DNAH7: variants seen among roughly 807,000 people sequenced by gnomAD.
The protein encoded by DNAH7 is dynein axonemal heavy chain 7.
Under a neutral mutation model 444.6 loss-of-function variants are expected in DNAH7, and 397 were observed. The ratio of observed to expected loss-of-function variants is 0.89; its 90% CI spans 0.82 to 0.97. The LOEUF is 0.97. DNAH7 is among the 50% of genes least tolerant of loss of function. DNAH7 has a pLI of 0.00. For missense variants in DNAH7, 4,902 were observed against 4,800.8 expected (o/e 1.02, Z -0.62); for synonymous variants, 1,636 against 1,624.4 (o/e 1.01, Z -0.17).
At chr2:196,031,448 C>A (rs181864320) in intron 5 of DNAH7, among the ~76,000 whole-genome samples, 127 of 152,354 alleles carry the variant, frequency 8.3e-4, no homozygotes, top group Non-Finnish European at 1.5e-3. Context: ...CTCCTTGATA[C>A]TTATGCAAAT....
chr2:196,055,185 G>A (rs757259709), intron 2 of DNAH7, among the ~76,000 whole-genome samples: 13 of 151,976 alleles, frequency 8.6e-5, no homozygotes, highest in Non-Finnish European at 1.6e-4. Flanking sequence ...GTGAAACCCT[G>A]TCTCTACCAA....
chr2:195,773,498 C>T (rs567989832), intron 60 of DNAH7, among the ~76,000 whole-genome samples: 1 of 152,054 alleles, frequency 6.6e-6, no homozygotes, highest in South Asian at 2.1e-4. Context: ...CAAACATTCC[C>T]CTTACCTATT....
chr2:195,986,521 G>A (rs1350184888), intron 14 of DNAH7, among the ~76,000 whole-genome samples: 1 of 152,152 alleles, frequency 6.6e-6, no homozygotes, highest in Non-Finnish European at 1.5e-5. Context: ...TGGAAGACTA[G>A]TTCTTCTTGT....
At chr2:195,738,201 G>T in intron 64 of DNAH7, 74 bp from the exon 65 acceptor site, 1 of 1,344,570 alleles carries the variant, frequency 7.4e-7, no homozygotes, top group Non-Finnish European at 1.0e-6. Context: ...GCCTACTATA[G>T]TATTCTCAGA....
Position 195,922,864 on chromosome 2 carries a change from A to AT in DNAH7, c.3826-668dup, listed in dbSNP as rs146731861. 1.6e-3 allele frequency among the ~76,000 whole-genome samples: 239 copies of AT among 146,758 alleles called. 1 individual carries two copies. The highest frequency in any genetic ancestry group is 3.4e-3 in the Admixed American group (50 of 14,676). On this transcript the variant is annotated intron_variant, in intron 23 of 64. Transcript: ENST00000312428. Reference sequence around the variant, plus strand: ...CTTCTTCAATTGATCAATTAGAGGAATTTTTTTTTTTTTCTGAGACAGGGT... The same window carrying AT: ...CTTCTTCAATTGATCAATTAGAGGAATTTTTTTTTTTTTTCTGAGACAGGGT...
chr2:195,933,691 T>C (rs1278355721), intron 21 of DNAH7, among the ~76,000 whole-genome samples: 4 of 142,304 alleles, frequency 2.8e-5, no homozygotes, highest in Admixed American at 7.5e-5. Flanking sequence ...TAGGTGGGAA[T>C]TGAACAATGA....
intron 27 of DNAH7, 44 bp downstream of exon 27, chr2:195,906,615 A>C: frequency 6.3e-7 from 1 of 1,577,230 alleles, no homozygotes; most frequent in Middle Eastern, 1.7e-4. Context: ...TTAACTTTGT[A>C]AATTATAGAG....
chr2:195,957,899 A>G (rs1237946684), intron 18 of DNAH7, among the ~76,000 whole-genome samples: 2 of 152,038 alleles, frequency 1.3e-5, no homozygotes, highest in Non-Finnish European at 2.9e-5. Flanking sequence ...GAAAAATGAG[A>G]TTTTGTTGAC....
chr2:196,020,813 G>A (rs974043345), intron 8 of DNAH7, among the ~76,000 whole-genome samples: 7 of 152,042 alleles, frequency 4.6e-5, no homozygotes, highest in Admixed American at 6.6e-5. Context: ...GTTTCACCAC[G>A]TTGGCCAGAA....
rs1212249109 is a variant in DNAH7, at chr2:195,934,695, C to T, written c.3367G>A (p.Glu1123Lys). 6.2e-7 allele frequency: 1 copy of T among 1,614,008 alleles called. No individual in the cohort carries two copies. Among genetic ancestry groups the T allele is most frequent in the Non-Finnish European group, 8.5e-7 (1 of 1,180,002 alleles). The change falls in exon 21 of 65, where the codon GAG becomes AAG. Residue 1123 changes from glutamate (E) to lysine (K), a missense_variant. Physicochemically the swap from Glu to Lys is moderately conservative, Grantham distance 56. Transcript: ENST00000312428. ...ATAATCTCTATGAGTTCTACAACCT[C>T]TCCTTCGCTGCTCTTCATGTGAGTA... The part of the protein sequence containing the change: ...DITHMKSSEG[E>K]VVELIEIIST...
At chr2:195,976,742 GC>G (rs1692212528) in intron 15 of DNAH7, among the ~76,000 whole-genome samples, 2 of 22,222 alleles carry the variant, frequency 9.0e-5, no homozygotes, top group African/African-American at 2.1e-4. Context: ...AGACAGAGAG[GC>G]AGACAGAGAG....
chr2:195,765,700 T>C (rs1448916630), intron 61 of DNAH7, among the ~76,000 whole-genome samples: 1 of 152,114 alleles, frequency 6.6e-6, no homozygotes, highest in African/African-American at 2.4e-5. Flanking sequence ...CTAGTTAAAA[T>C]GGCTTATATC....
chr2:195,798,431 A>G (rs1696270905), intron 55 of DNAH7, among the ~76,000 whole-genome samples: 1 of 152,084 alleles, frequency 6.6e-6, no homozygotes, highest in Admixed American at 6.5e-5. Flanking sequence ...GAAATGCCCA[A>G]TCATCTGTTT....
At chr2:195,970,170 A>C in intron 16 of DNAH7, 76 bp from the exon 17 acceptor site, 1 of 1,342,196 alleles carries the variant, frequency 7.5e-7, no homozygotes, top group African/African-American at 1.5e-5. Flanking sequence ...ACATTGTAGG[A>C]GTTATCAGAA....
chr2:195,995,539 T>C, intron 12 of DNAH7: 2 of 298,294 alleles, frequency 6.7e-6, no homozygotes, highest in South Asian at 3.0e-5. Flanking sequence ...TCACTTTGCC[T>C]GCTGCTGTAA....
At chr2:195,749,948 A>G (rs1386878998) in intron 63 of DNAH7, among the ~76,000 whole-genome samples, 2 of 151,970 alleles carry the variant, frequency 1.3e-5, no homozygotes, top group African/African-American at 2.4e-5. Flanking sequence ...TAACCTGCAC[A>G]TTGTGCACAT....
intron 17 of DNAH7, among the ~76,000 whole-genome samples, chr2:195,966,114 G>A (rs1691458578): frequency 6.6e-6 from 1 of 151,792 alleles, no homozygotes; most frequent in Non-Finnish European, 1.5e-5. Flanking sequence ...CCTTAGCACT[G>A]CTTTCACTAG....
intron 54 of DNAH7, among the ~76,000 whole-genome samples, chr2:195,804,061 A>T (rs1320035448): frequency 1.1e-5 from 1 of 90,862 alleles, no homozygotes; most frequent in African/African-American, 3.6e-5. Flanking sequence ...GAGGGGGGGA[A>T]GGAGACCCCC....
chr2:195,789,215 T>C (rs1695762973), intron 57 of DNAH7, among the ~76,000 whole-genome samples: 1 of 151,984 alleles, frequency 6.6e-6, no homozygotes, highest in African/African-American at 2.4e-5. Context: ...AGGAAGCAGT[T>C]TGAAGGAGCC....
Sources: allele counts gnomAD v4.1 joint callset (sites outside exome capture counted in the v4.1 genomes callset), GRCh38; gene constraint gnomAD v4.1.1; transcripts MANE v1.5; gene names NCBI Gene and HGNC (gene_info 2026-07-23, HGNC 2026-07-21).